The following NOS2 variants were observed in gnomAD, a reference collection of about 807,000 sequenced individuals.
NOS2 encodes nitric oxide synthase, inducible.
NOS2 carries 96 observed loss-of-function variants against 136.0 expected under a neutral mutation model. That is an observed-to-expected ratio of 0.71 (90% CI 0.60 to 0.84). The LOEUF (loss-of-function observed/expected upper bound fraction) is 0.84, where lower values mean the gene tolerates loss of function less well. NOS2 is among the 40% of genes least tolerant of loss of function. The pLI is 0.00. For missense variants in NOS2, 1,237 were observed against 1,496.9 expected, an observed-to-expected ratio of 0.83 and a Z score of 2.87; for synonymous variants, 539 against 587.5, an observed-to-expected ratio of 0.92 and a Z score of 1.20.
Position 27,789,030 on chromosome 17 carries a change from G to A in NOS2, c.196-99C>T, listed in dbSNP as rs1220792301. The A allele has an allele frequency of 3.4e-6, 5 of 1,461,062 alleles. No individual in the cohort carries two copies. In the African/African-American group the frequency reaches 7.1e-5, roughly 21 times the overall value. 90.5% of individuals were successfully genotyped at this position (1,461,062 alleles called of 1,614,324 possible). On this transcript the variant is annotated intron_variant, in intron 3 of 26. Transcript: ENST00000313735. The stretch of plus-strand genomic sequence containing the variant: ...GAAGGATCTATGGGTGGCCACACAG[G>A]GCAGGGTGTCCCTCCACGTCCCTCC...
intron 5 of NOS2, among the ~76,000 whole-genome samples, chr17:27,785,887 G>A: frequency 7.0e-6 from 1 of 143,806 alleles, no homozygotes; most frequent in Non-Finnish European, 1.5e-5. Context: ...TGATCCAGGA[G>A]ATCGAGGCTG....
At chr17:27,785,304 A>G (rs906127664) in intron 5 of NOS2, among the ~76,000 whole-genome samples, 5 of 152,210 alleles carry the variant, frequency 3.3e-5, no homozygotes, top group Non-Finnish European at 5.9e-5. Context: ...CTGTGGCCCA[A>G]TGAAACCCAT....
Position 27,760,009 on chromosome 17 carries a change from C to G in NOS2, c.3159+21G>C. 3 of 1,498,896 alleles carry G rather than the reference C, an allele frequency of 2.0e-6. No individual in the cohort carries two copies. In the South Asian group the frequency reaches 4.1e-5, roughly 20 times the overall value. 92.8% of individuals were successfully genotyped at this position (1,498,896 alleles called of 1,614,324 possible). On this transcript the variant is annotated intron_variant, in intron 25 of 26. Transcript: ENST00000313735. ...GGAGCTTGTGTGTGTAATGCTTCAC[C>G]TGCTTTGAGGCTGCATTTACCTTGG... is the stretch of plus-strand genomic sequence containing the variant.
intron 19 of NOS2, 138 bp from the exon 20 acceptor site, chr17:27,765,854 AGC>A (rs1369882384): frequency 1.9e-5 from 18 of 964,820 alleles, no homozygotes; most frequent in Non-Finnish European, 2.6e-5. Context: ...CACCACCCTG[AGC>A]TTGGGATGAG....
chr17:27,757,238 G>A lies in NOS2; in HGVS notation c.*8C>T. The A allele has an allele frequency of 6.2e-7, 1 of 1,611,816 alleles. No homozygotes were observed. Among genetic ancestry groups the A allele is most frequent in the Non-Finnish European group, 8.5e-7 (1 of 1,178,324 alleles). On this transcript the variant is annotated 3_prime_UTR_variant, in exon 27 of 27. Coordinates refer to ENST00000313735, the MANE Select transcript of NOS2 (RefSeq NM_000625.4). ...TGTGCCGGCAGCTTTAACCCCTCCT[G>A]TAGGCCCTCAGAGCGCTGACATCTC...
Position 27,767,804 on chromosome 17 carries a change from G to C in NOS2, c.2068C>G (p.Gln690Glu). 1.2e-6 allele frequency: 2 copies of C among 1,608,290 alleles called. No homozygotes were observed. Among genetic ancestry groups the C allele is most frequent in the Non-Finnish European group, 1.7e-6 (2 of 1,178,406 alleles). Residue 690 changes from glutamine (Q) to glutamate (E), a missense_variant, in exon 18 of 27, where the codon CAG becomes GAG. Physicochemically the swap from Gln to Glu is conservative, Grantham distance 29. Around this residue, in one of 3 missense-constraint regions of NOS2, gnomAD observed 782 missense variants for 909.9 expected, o/e 0.86. Coordinates refer to ENST00000313735, the MANE Select transcript of NOS2 (RefSeq NM_000625.4). ...TAGAGCTTGGGGATCTGAATGTGCT[G>C]TTTGCCTCGGACATCAAACGTCTCA... ...ACETFDVRGK[Q>E]HIQIPKLYTS...
At chr17:27,794,701 TAC>T (rs1329884542) in intron 2 of NOS2, among the ~76,000 whole-genome samples, 24 of 133,210 alleles carry the variant, frequency 1.8e-4, no homozygotes, top group South Asian at 4.7e-4. Flanking sequence ...CACACATGCG[TAC>T]ACACACACGC....
At chr17:27,771,062 GCCCT>G in intron 14 of NOS2, 45 bp from the exon 15 acceptor site, 3 of 1,440,844 alleles carry the variant, frequency 2.1e-6, no homozygotes, top group Non-Finnish European at 2.9e-6. Flanking sequence ...TCCCAGTAGG[GCCCT>G]CCCTACCCTG....
chr17:27,781,190 G>A lies in NOS2; in HGVS notation c.723-13C>T, dbSNP rs763841176. The A allele has an allele frequency of 1.9e-6, 3 of 1,601,332 alleles. 1 individual carries two copies. Among genetic ancestry groups the A allele is most frequent in the Non-Finnish European group, 2.5e-6 (3 of 1,178,500 alleles). ...GGTGATGGCCGACCTTCCCAGGACA[G>A]GAACAGTACTGTTTACCACCTAGCC... On this transcript the variant is annotated splice_polypyrimidine_tract_variant and intron_variant, in intron 7 of 26. Coordinates refer to ENST00000313735, the MANE Select transcript of NOS2 (RefSeq NM_000625.4).
At chr17:27,767,583 T>G in intron 18 of NOS2, 122 bp downstream of exon 18, 1 of 1,174,880 alleles carries the variant, frequency 8.5e-7, no homozygotes, top group South Asian at 1.6e-5. Context: ...TTGCATGCAG[T>G]GAGAGGGAGG....
rs759308444 is a variant in NOS2 at position 27,758,883 on chromosome 17, T to C, written c.3352A>G (p.Lys1118Glu). The change falls in exon 26 of 27, where the codon AAG becomes GAG. Residue 1118 changes from lysine (K) to glutamate (E), a missense_variant and splice_region_variant. Physicochemically the swap from Lys to Glu is moderately conservative, Grantham distance 56. This residue lies in a region of NOS2 where 782 missense variants were observed against 909.9 expected (regional missense o/e 0.86). Coordinates refer to ENST00000313735, the MANE Select transcript of NOS2 (RefSeq NM_000625.4). ...AGCCCACACACCCACTACTATACCT[T>C]GAGCTGAAAGAAATAGTCCTCGACC... ...EQVEDYFFQL[K>E]SQKRYHEDIF... 1.3e-6 allele frequency: 2 copies of C among 1,582,490 alleles called. No individual in the cohort carries two copies. Among genetic ancestry groups the C allele is most frequent in the South Asian group, 2.3e-5 (2 of 85,228 alleles).
chr17:27,770,318 T>TA (rs1228002580), intron 15 of NOS2, among the ~76,000 whole-genome samples: 3 of 151,664 alleles, frequency 2.0e-5, no homozygotes, highest in East Asian at 3.9e-4. Flanking sequence ...CATCTCTACT[T>TA]AAAAAAAAGA....
Position 27,762,151 on chromosome 17 carries a change from CT to C in NOS2, c.2800+646del, listed in dbSNP as rs907932915. 7.3e-5 allele frequency among the ~76,000 whole-genome samples: 11 copies of C among 150,768 alleles called. No homozygotes were observed. In the East Asian group the frequency reaches 1.5e-3, roughly 21 times the overall value. ...CTCTATGGCAGCGTCACCCCCTGCT[CT>C]GCTTCCCTCAGTGACCCTGACCTTT... On this transcript the variant is annotated intron_variant, in intron 22 of 26. Coordinates refer to ENST00000313735, the MANE Select transcript of NOS2 (RefSeq NM_000625.4).
Position 27,772,205 on chromosome 17 carries a change from C to T in NOS2, c.1704+103G>A, listed in dbSNP as rs1011439534. ...AGATTAATGATGCACATTACCACAT[C>T]CAAGACTCTGAGACATCCAGGAGTG... On this transcript the variant is annotated intron_variant, in intron 14 of 26. Transcript: ENST00000313735. The T allele has an allele frequency of 9.9e-6, 13 of 1,313,180 alleles. No individual in the cohort carries two copies. The African/African-American group carries it at 1.6e-4, about 16-fold the overall frequency. The allele number at this position is 1,313,180 out of a possible 1,614,324, so 81.3% of individuals were successfully genotyped here.
intron 5 of NOS2, among the ~76,000 whole-genome samples, chr17:27,784,133 A>AACACACACACACACACAC (rs3838880): frequency 0.014 from 2,052 of 147,028 alleles, 30 homozygotes; most frequent in Middle Eastern, 0.038. Context: ...AAGGCTTTGA[A>AACACACACACACACACAC]ACACACACAC....
chr17:27,761,406 C>G (rs3729507), intron 22 of NOS2, among the ~76,000 whole-genome samples, 175 bp from the exon 23 acceptor site: 7,574 of 152,146 alleles, frequency 0.05, 363 homozygotes, highest in East Asian at 0.19. Context: ...AAGCGCGGAG[C>G]TGAGGAACGT....
At chr17:27,787,595 G>T in intron 5 of NOS2, 83 bp downstream of exon 5, 1 of 1,075,492 alleles carries the variant, frequency 9.3e-7, no homozygotes, top group Non-Finnish European at 1.4e-6. Context: ...AAGGGATCTA[G>T]CTAGGATCAG....
intron 26 of NOS2, 120 bp downstream of exon 26, chr17:27,758,761 T>G (rs1908010965): frequency 1.4e-6 from 1 of 727,196 alleles, no homozygotes; most frequent in Non-Finnish European, 2.1e-6. Context: ...GCTAAGATTC[T>G]CTTGGGGTCC....
intron 21 of NOS2, among the ~76,000 whole-genome samples, chr17:27,763,515 C>A (rs1908203511): frequency 1.3e-5 from 2 of 152,216 alleles, no homozygotes; most frequent in African/African-American, 4.8e-5. Context: ...ATAATAATGA[C>A]AACCAGTGCC....
Sources: allele counts gnomAD v4.1 joint callset (sites outside exome capture counted in the v4.1 genomes callset), GRCh38; gene constraint gnomAD v4.1.1; regional missense constraint gnomAD v4.1.1; transcripts MANE v1.5; gene names NCBI Gene and HGNC (gene_info 2026-07-23, HGNC 2026-07-21).